The following NELL2 variants were observed in gnomAD, a reference collection of about 807,000 sequenced individuals.
NELL2 encodes neural EGFL like 2, also known as protein kinase C-binding protein NELL2.
In NELL2, 41 loss-of-function variants were observed where a neutral mutation model predicts 109.6. The observed-to-expected ratio is 0.37, with a 90% confidence interval of 0.29 to 0.49. The LOEUF is 0.49. Among genes scored for constraint, NELL2 ranks in the 20% least tolerant of loss-of-function variants. NELL2 has a pLI of 0.98. For synonymous variants in NELL2, 355 were observed against 344.7 expected (o/e 1.03, Z -0.33); for missense variants, 900 against 1,008.3 (o/e 0.89, Z 1.45).
chr12:44,765,135 T>A (rs572148402), intron 9 of NELL2, among the ~76,000 whole-genome samples: 3 of 152,188 alleles, frequency 2.0e-5, no homozygotes, highest in Admixed American at 1.3e-4. Context: ...TGAAAAAAAT[T>A]CAGGTCTCAG....
At chr12:44,578,909 C>T (rs1944215887) in intron 15 of NELL2, among the ~76,000 whole-genome samples, 2 of 152,164 alleles carry the variant, frequency 1.3e-5, no homozygotes, top group Admixed American at 1.3e-4. Flanking sequence ...CTTTCTCTGT[C>T]TCTCTTAGGT....
At chr12:44,643,425 G>A (rs143788734) in intron 13 of NELL2, among the ~76,000 whole-genome samples, 5 of 152,096 alleles carry the variant, frequency 3.3e-5, no homozygotes, top group South Asian at 2.1e-4. Flanking sequence ...ACAAAGGTAC[G>A]TAGGCATTGC....
At chr12:44,826,230 C>T (rs1943706585) in intron 2 of NELL2, among the ~76,000 whole-genome samples, 1 of 151,766 alleles carries the variant, frequency 6.6e-6, no homozygotes, top group Non-Finnish European at 1.5e-5. Context: ...TGTAGAAACC[C>T]CCATATAACC....
At chr12:44,529,078 C>A (rs1405815502) in intron 16 of NELL2, among the ~76,000 whole-genome samples, 1 of 151,962 alleles carries the variant, frequency 6.6e-6, no homozygotes, top group African/African-American at 2.4e-5. Flanking sequence ...CTAGAAGAAT[C>A]ACTCTGAATG....
chr12:44,580,144 T>C (rs1022960543), intron 15 of NELL2, among the ~76,000 whole-genome samples: 15 of 152,172 alleles, frequency 9.9e-5, no homozygotes, highest in Middle Eastern at 3.2e-3. Flanking sequence ...TGATTGGACT[T>C]TGTACCCACT....
In NELL2 at chr12:44,875,751, C is replaced by A. The variant is rs1176880025; in HGVS notation, c.55+64G>T. 4 of 1,611,292 alleles carry A rather than the reference C, an allele frequency of 2.5e-6. No individual in the cohort carries two copies. In the African/African-American group the frequency reaches 5.3e-5, roughly 22 times the overall value. ...CCGGGAAAAGCGAGGCTTCCCCAGC[C>A]AGCCCATGCTGCCCCGAGGCGGGAG... On this transcript the variant is annotated intron_variant, in intron 1 of 19. Coordinates refer to ENST00000429094, the MANE Select transcript of NELL2 (RefSeq NM_001145108.2).
intron 9 of NELL2, among the ~76,000 whole-genome samples, chr12:44,722,329 C>T (rs1938822540): frequency 6.6e-6 from 1 of 152,074 alleles, no homozygotes; most frequent in Non-Finnish European, 1.5e-5. Flanking sequence ...AAATGCCCCA[C>T]TAATTTTTTA....
At position 44,671,391 on chromosome 12, in the gene NELL2, T is replaced by C. The variant is rs562936716; in HGVS notation, c.1319-5782A>G. Among the ~76,000 whole-genome samples the C allele has an allele frequency of 2.6e-5, 4 of 151,768 alleles. No individual in the cohort carries two copies. The South Asian group carries it at 6.3e-4, about 24-fold the overall frequency. On this transcript the variant is annotated intron_variant, in intron 12 of 19. Coordinates refer to ENST00000429094, the MANE Select transcript of NELL2 (RefSeq NM_001145108.2). The stretch of plus-strand genomic sequence containing the variant: ...AATGCACCTCAAGGAACTGCAAAAG[T>C]GAGAACAAACCAAACCCAAATTAGT...
intron 2 of NELL2, among the ~76,000 whole-genome samples, chr12:44,872,713 T>C (rs1945198564): frequency 6.6e-6 from 1 of 152,160 alleles, no homozygotes; most frequent in South Asian, 2.1e-4. Flanking sequence ...TTAGAACATA[T>C]CTGATAGCAC....
intron 8 of NELL2, 85 bp downstream of exon 8, chr12:44,775,936 AT>A: frequency 6.7e-7 from 1 of 1,493,548 alleles, no homozygotes; most frequent in Admixed American, 2.2e-5. Flanking sequence ...GGGTCTTGAA[AT>A]TTTCATGATT....
chr12:44,559,746 C>G (rs1189221057), intron 15 of NELL2, among the ~76,000 whole-genome samples: 1 of 152,158 alleles, frequency 6.6e-6, no homozygotes, highest in East Asian at 1.9e-4. Flanking sequence ...TTTAACACCT[C>G]ACCATCAATA....
At chr12:44,684,672 T>G (rs548454746) in intron 12 of NELL2, among the ~76,000 whole-genome samples, 1 of 152,372 alleles carries the variant, frequency 6.6e-6, no homozygotes, top group African/African-American at 2.4e-5. Flanking sequence ...CATTTCGTTA[T>G]GTACCCACTA....
chr12:44,821,617 T>C (rs1197285196), intron 2 of NELL2, among the ~76,000 whole-genome samples: 1 of 152,228 alleles, frequency 6.6e-6, no homozygotes, highest in East Asian at 1.9e-4. Flanking sequence ...CAATGATTAT[T>C]ATGATAAGAC....
At chr12:44,580,231 T>C (rs1211740449) in intron 15 of NELL2, among the ~76,000 whole-genome samples, 1 of 152,136 alleles carries the variant, frequency 6.6e-6, no homozygotes, top group Non-Finnish European at 1.5e-5. Flanking sequence ...ATTTTTCTGT[T>C]ATGGGTTCAT....
intron 10 of NELL2, among the ~76,000 whole-genome samples, chr12:44,712,067 G>A (rs1938233645): frequency 6.6e-6 from 1 of 151,996 alleles, no homozygotes; most frequent in East Asian, 1.9e-4. Flanking sequence ...TCTGATAATT[G>A]AAGTATTCTT....
chr12:44,673,384 C>T (rs1473135312), intron 12 of NELL2, among the ~76,000 whole-genome samples: 1 of 152,184 alleles, frequency 6.6e-6, no homozygotes, highest in African/African-American at 2.4e-5. Flanking sequence ...CAATTCTCTA[C>T]ACATTCACTG....
At chr12:44,533,446 T>C (rs570259866) in intron 15 of NELL2, among the ~76,000 whole-genome samples, 8 of 152,168 alleles carry the variant, frequency 5.3e-5, no homozygotes, top group Non-Finnish European at 8.8e-5. Flanking sequence ...AGATAGTACA[T>C]TGAACATGTG....
intron 15 of NELL2, among the ~76,000 whole-genome samples, chr12:44,605,863 C>G (rs1231262897): frequency 6.6e-6 from 1 of 152,052 alleles, no homozygotes; most frequent in African/African-American, 2.4e-5. Flanking sequence ...TAGGGGCAAA[C>G]TGGTGGAGAG....
intron 13 of NELL2, among the ~76,000 whole-genome samples, chr12:44,643,150 T>C (rs1946923342): frequency 6.6e-6 from 1 of 152,220 alleles, no homozygotes; most frequent in Non-Finnish European, 1.5e-5. Context: ...AATTGAGGCC[T>C]AATAACACTA....
Sources: gnomAD v4.1 joint callset for allele counts (sites outside exome capture counted in the v4.1 genomes callset) on GRCh38, gnomAD v4.1.1 for gene constraint, MANE v1.5 for transcripts, NCBI Gene and HGNC (gene_info 2026-07-23, HGNC 2026-07-21) for gene names.